Variants in C3AR1 observed in about 807,000 individuals in gnomAD.
C3AR1 encodes the protein C3a anaphylatoxin chemotactic receptor.
For missense variants in C3AR1, 579 were observed against 583.5 expected (o/e 0.99, Z 0.08); for synonymous variants, 208 against 225.3 (o/e 0.92, Z 0.69).
At chr12:8,063,666 G>C (rs1947299567) in intron 1 of C3AR1, among the ~76,000 whole-genome samples, 1 of 152,044 alleles carries the variant, frequency 6.6e-6, no homozygotes. Context: ...TATAATGGCT[G>C]TCTAATCTAT....
In C3AR1 at chr12:8,058,634, T is replaced by A. The variant is rs1947220703; in HGVS notation, c.*103A>T. On this transcript the variant is annotated 3_prime_UTR_variant, in exon 2 of 2. Coordinates refer to ENST00000307637, the MANE Select transcript of C3AR1 (RefSeq NM_004054.4). ...TTTGAGAACCGCTGGATTGATTCTT[T>A]GACAGTTTTTGAAGTCCGCTGCTCA... 1.6e-6 allele frequency: 2 copies of A among 1,270,896 alleles called. No homozygotes were observed. The highest frequency in any genetic ancestry group is 4.7e-5 in the East Asian group (2 of 42,952). The allele number at this position is 1,270,896 out of a possible 1,614,324, so 78.7% of individuals were successfully genotyped here.
rs777072831 is a variant in C3AR1, at chr12:8,060,030, C to T, written c.156G>A (p.Met52Ile). ...ACCAAATTGTGTTCACTGTCCGCTG[C>T]ATCTTCAGGCCAGCCACCCACAGCA... ...GLVLWVAGLK[M>I]QRTVNTIWFL... The change falls in exon 2 of 2, where the codon ATG (methionine) becomes ATA (isoleucine). Residue 52 changes from methionine to isoleucine, a missense_variant. Coordinates refer to ENST00000307637, the MANE Select transcript of C3AR1 (RefSeq NM_004054.4). The T allele has an allele frequency of 1.7e-5, 27 of 1,613,980 alleles. No individual in the cohort carries two copies. Among genetic ancestry groups the T allele is most frequent in the South Asian group, 1.4e-4 (13 of 91,082 alleles).
chr12:8,062,792 C>A (rs1221591033), intron 1 of C3AR1, among the ~76,000 whole-genome samples: 1 of 150,790 alleles, frequency 6.6e-6, no homozygotes, highest in African/African-American at 2.4e-5. Flanking sequence ...TACAGGCATG[C>A]GCCACCATGC....
Position 8,058,655 on chromosome 12 carries a change from G to A in C3AR1, c.*82C>T. The A allele has an allele frequency of 6.9e-7, 1 of 1,446,960 alleles. No individual in the cohort carries two copies. Among genetic ancestry groups the A allele is most frequent in the Non-Finnish European group, 9.4e-7 (1 of 1,069,242 alleles). 89.6% of individuals were successfully genotyped at this position (1,446,960 alleles called of 1,614,324 possible). On this transcript the variant is annotated 3_prime_UTR_variant, in exon 2 of 2. Coordinates refer to ENST00000307637, the MANE Select transcript of C3AR1 (RefSeq NM_004054.4). ...TCTTTGACAGTTTTTGAAGTCCGCT[G>A]CTCACCATATCACTTCATCCTCTTA...
intron 1 of C3AR1, among the ~76,000 whole-genome samples, chr12:8,061,081 T>G (rs961479768): frequency 1.3e-5 from 2 of 152,210 alleles, no homozygotes; most frequent in African/African-American, 4.8e-5. Context: ...CAGCGATGTC[T>G]TTTAGATACA....
rs1466650889 is a variant in C3AR1 at position 8,057,528 on chromosome 12, A to T, written c.*1209T>A. 1.3e-5 allele frequency among the ~76,000 whole-genome samples: 2 copies of T among 152,224 alleles called. 1 individual carries two copies. Reference sequence around the variant, plus strand: ...ATTGTGCAAGGATTATCTCTGGGAAATGAGAGTGGGAGGAGGGAACTTTTG... The same window carrying T: ...ATTGTGCAAGGATTATCTCTGGGAATTGAGAGTGGGAGGAGGGAACTTTTG... On this transcript the variant is annotated 3_prime_UTR_variant, in exon 2 of 2. Transcript: ENST00000307637.
At chr12:8,065,146 A>AT (rs1947317732) in intron 1 of C3AR1, among the ~76,000 whole-genome samples, 1 of 99,736 alleles carries the variant, frequency 1.0e-5, no homozygotes, top group Admixed American at 9.1e-5. Context: ...TGTTTTTACT[A>AT]CCAAAAAAAA....
chr12:8,062,693 G>A (rs1476813234), intron 1 of C3AR1, among the ~76,000 whole-genome samples: 3 of 152,112 alleles, frequency 2.0e-5, no homozygotes, highest in Non-Finnish European at 4.4e-5. Flanking sequence ...TGCCCACGCT[G>A]GAGTGCAGTG....
chr12:8,059,268 G>A lies in C3AR1; in HGVS notation c.918C>T (p.Tyr306=), dbSNP rs758204041. The A allele has an allele frequency of 2.3e-5, 37 of 1,614,030 alleles. No homozygotes were observed. Among genetic ancestry groups the A allele is most frequent in the Non-Finnish European group, 2.9e-5 (34 of 1,180,012 alleles). The change falls in exon 2 of 2, where the codon TAC becomes TAT. Residue 306 remains tyrosine, a synonymous_variant. Coordinates refer to ENST00000307637, the MANE Select transcript of C3AR1 (RefSeq NM_004054.4). ...LFPSASSNSF[Y]ESELPQGFQD... is the part of the protein sequence containing the mutation. The stretch of plus-strand genomic sequence containing the variant: ...GGAAACCTTGTGGTAGCTCAGACTC[G>A]TAGAAGGAATTGCTAGAAGCGCTAG...
At chr12:8,062,650 T>C (rs1226713731) in intron 1 of C3AR1, among the ~76,000 whole-genome samples, 1 of 152,222 alleles carries the variant, frequency 6.6e-6, no homozygotes, top group Non-Finnish European at 1.5e-5. Flanking sequence ...TCTTCTTTTT[T>C]TCTTTTTTCT....
Position 8,059,411 on chromosome 12 carries a change from A to G in C3AR1, c.775T>C (p.Phe259Leu). The change falls in exon 2 of 2, where the codon TTT becomes CTT. Residue 259 changes from phenylalanine (F) to leucine (L), a missense_variant. Physicochemically the swap from Phe to Leu is conservative, Grantham distance 22. Coordinates refer to ENST00000307637, the MANE Select transcript of C3AR1 (RefSeq NM_004054.4). ...LTSQNLYSNV[F>L]KPADVVSPKI... Reference sequence around the variant, plus strand: ...GGTGAGACCACATCAGCAGGTTTAAATACATTAGAATACAGATTTTGACTT... The same window carrying G: ...GGTGAGACCACATCAGCAGGTTTAAGTACATTAGAATACAGATTTTGACTT... 6.2e-7 allele frequency: 1 copy of G among 1,614,098 alleles called. No individual in the cohort carries two copies. Among genetic ancestry groups the G allele is most frequent in the Non-Finnish European group, 8.5e-7 (1 of 1,179,988 alleles).
At chr12:8,064,903 A>G (rs1002252473) in intron 1 of C3AR1, among the ~76,000 whole-genome samples, 1 of 151,876 alleles carries the variant, frequency 6.6e-6, no homozygotes, top group Non-Finnish European at 1.5e-5. Flanking sequence ...TTGTAGAGAT[A>G]GGGTCTTGCT....
At position 8,059,524 on chromosome 12, in the gene C3AR1, T is replaced by TGATC; in HGVS notation, c.658_661dup (p.His221ArgfsTer25). The TGATC allele has an allele frequency of 6.2e-7, 1 of 1,614,210 alleles. No homozygotes were observed. The highest frequency in any genetic ancestry group is 8.5e-7 in the Non-Finnish European group (1 of 1,180,030). On this transcript the variant is annotated frameshift_variant, in exon 2 of 2. Transcript: ENST00000307637. LOFTEE classifies it low-confidence loss of function (END_TRUNC). The stretch of plus-strand genomic sequence containing the variant: ...GAAGACAGTGGGGACTGTCCAAGGA[T>TGATC]GATCATTTGTTTGGAAAGAGGAAGG...
Position 8,057,853 on chromosome 12 carries a change from A to C in C3AR1, c.*884T>G, listed in dbSNP as rs900753470. Among the ~76,000 whole-genome samples the C allele has an allele frequency of 1.3e-5, 2 of 152,148 alleles. No homozygotes were observed. Among genetic ancestry groups the C allele is most frequent in the Non-Finnish European group, 2.9e-5 (2 of 68,022 alleles). Reference sequence around the variant, plus strand: ...GAGCAAGAGGAAGGGAGTAACTAGAATCTTACGAAATTAGAGGTTGTTTGA... The same window carrying C: ...GAGCAAGAGGAAGGGAGTAACTAGACTCTTACGAAATTAGAGGTTGTTTGA... On this transcript the variant is annotated 3_prime_UTR_variant, in exon 2 of 2. Transcript: ENST00000307637.
rs754285573 is a variant in C3AR1 at position 8,058,827 on chromosome 12, A to C, written c.1359T>G (p.Ile453Met). The part of the protein sequence containing the change: ...RKKARQSIQG[I>M]LEAAFSEELT... ...GCTCCTCACTGAAGGCTGCCTCCAG[A>C]ATTCCCTGAATGGACTGCCTTGCTT... The change falls in exon 2 of 2, where the codon ATT becomes ATG. Residue 453 changes from isoleucine to methionine, a missense_variant. Transcript: ENST00000307637. 4 of 1,614,072 alleles carry C rather than the reference A, an allele frequency of 2.5e-6. No homozygotes were observed. The Admixed American group carries it at 6.7e-5, about 27-fold the overall frequency.
rs986890442 is a variant in C3AR1 at position 8,056,886 on chromosome 12, G to A, written c.*1851C>T. 2.0e-5 allele frequency among the ~76,000 whole-genome samples: 3 copies of A among 152,158 alleles called. No individual in the cohort carries two copies. Among genetic ancestry groups the A allele is most frequent in the Non-Finnish European group, 4.4e-5 (3 of 68,024 alleles). ...CTCGCAAGGACCCATGAGAAAAAAA[G>A]CATTTATTCATATCAAATATATAAG... On this transcript the variant is annotated 3_prime_UTR_variant, in exon 2 of 2. Coordinates refer to ENST00000307637, the MANE Select transcript of C3AR1 (RefSeq NM_004054.4).
intron 1 of C3AR1, among the ~76,000 whole-genome samples, chr12:8,061,862 T>C (rs972491098): frequency 7.2e-5 from 11 of 152,236 alleles, no homozygotes; most frequent in African/African-American, 2.4e-4. Flanking sequence ...ATTCACGTTG[T>C]ACAACCAATT....
Position 8,059,943 on chromosome 12 carries a change from G to A in C3AR1, c.243C>T (p.His81=), listed in dbSNP as rs777353166. Residue 81 remains histidine (H), a synonymous_variant, in exon 2 of 2, where the codon CAC becomes CAT. Coordinates refer to ENST00000307637, the MANE Select transcript of C3AR1 (RefSeq NM_004054.4). ...AGGGCCACTGTCCCTGGAGAGCCAA[G>A]TGAGCCAGCGAGAAGGGCAAGGAGA... ...CCLSLPFSLA[H]LALQGQWPYG... The A allele has an allele frequency of 3.7e-6, 6 of 1,614,216 alleles. No homozygotes were observed. The East Asian group carries it at 1.3e-4, about 36-fold the overall frequency.
intron 1 of C3AR1, among the ~76,000 whole-genome samples, chr12:8,062,949 CTTTTTTTTT>C (rs71451936): frequency 0.013 from 722 of 56,322 alleles, 10 homozygotes; most frequent in African/African-American, 0.046. Context: ...GCGCCCGGCC[CTTTTTTTTT>C]TTTTTTTTTT....
Sources: allele counts gnomAD v4.1 joint callset (sites outside exome capture counted in the v4.1 genomes callset), GRCh38; gene constraint gnomAD v4.1.1; transcripts MANE v1.5; gene names NCBI Gene and HGNC (gene_info 2026-07-23, HGNC 2026-07-21).